Variants in GREB1L observed in about 807,000 individuals in gnomAD.
GREB1L encodes the protein GREB1 like retinoic acid receptor coactivator, also known as GREB1-like protein.
A neutral mutation model predicts 200.8 loss-of-function variants in GREB1L; 17 were observed. The observed-to-expected ratio is 0.08, with a 90% CI of 0.06 to 0.13. GREB1L has a LOEUF of 0.13. Among genes scored for constraint, GREB1L ranks in the 10% least tolerant of loss-of-function variants. The pLI, the probability that GREB1L is intolerant of heterozygous loss-of-function variation, is 1.00. For synonymous variants in GREB1L, 789 were observed against 893.0 expected, an observed-to-expected ratio of 0.88 and a Z score of 2.08; for missense variants, 1,657 against 2,367.7, an observed-to-expected ratio of 0.70 and a Z score of 6.23.
intron 1 of GREB1L, among the ~76,000 whole-genome samples, chr18:21,349,484 C>T (rs1031352241): frequency 1.3e-5 from 2 of 152,144 alleles, no homozygotes; most frequent in African/African-American, 4.8e-5. Context: ...CCTACTTTGT[C>T]CTTTAAAGCA....
chr18:21,507,982 G>A (rs1468254664), intron 25 of GREB1L, 136 bp from the exon 26 acceptor site: 4 of 777,672 alleles, frequency 5.1e-6, no homozygotes, highest in Non-Finnish European at 8.2e-6. Context: ...AGACGTGGCT[G>A]CTCACAGCCT....
intron 2 of GREB1L, among the ~76,000 whole-genome samples, chr18:21,378,106 T>A (rs2040150938): frequency 6.6e-6 from 1 of 152,178 alleles, no homozygotes; most frequent in African/African-American, 2.4e-5. Context: ...GAAGTCAAAT[T>A]TATTCACATT....
chr18:21,253,656 A>G (rs2037750690), intron 1 of GREB1L, among the ~76,000 whole-genome samples: 1 of 152,194 alleles, frequency 6.6e-6, no homozygotes, highest in South Asian at 2.1e-4. Flanking sequence ...TGTGAGAATG[A>G]TATTAACAAA....
intron 1 of GREB1L, among the ~76,000 whole-genome samples, chr18:21,296,231 A>G (rs574822471): frequency 6.6e-6 from 1 of 152,346 alleles, no homozygotes; most frequent in South Asian, 2.1e-4. Context: ...CATATACACC[A>G]TGGAATACTA....
chr18:21,358,088 A>G (rs2039530287), intron 1 of GREB1L, among the ~76,000 whole-genome samples: 1 of 152,238 alleles, frequency 6.6e-6, no homozygotes, highest in Non-Finnish European at 1.5e-5. Context: ...TTTTAAATCC[A>G]TAAACACAAG....
Position 21,242,363 on chromosome 18 carries a change from G to C in GREB1L, c.-150G>C, listed in dbSNP as rs765545416. On this transcript the variant is annotated 5_prime_UTR_variant, in exon 1 of 33. Transcript: ENST00000424526. ...CGGCCGAGCCGAGGGCCACCCCCTG[G>C]TCCTCTGCCCTCGCGCCCCGCTAGG... The C allele has an allele frequency of 6.6e-6, 1 of 152,216 alleles. No individual in the cohort carries two copies. Among genetic ancestry groups the C allele is most frequent in the African/African-American group, 2.4e-5 (1 of 41,440 alleles). The allele number at this position is 152,216 out of a possible 1,614,324, so 9.4% of individuals were successfully genotyped here. A position where few individuals can be genotyped will look rare whatever the true frequency, so the allele number is the denominator to read the frequency against.
intron 1 of GREB1L, among the ~76,000 whole-genome samples, chr18:21,256,454 G>A (rs1244488212): frequency 1.3e-5 from 2 of 152,150 alleles, no homozygotes; most frequent in African/African-American, 4.8e-5. Flanking sequence ...TTAGTTCTAA[G>A]GTGAGGAATA....
intron 1 of GREB1L, among the ~76,000 whole-genome samples, chr18:21,329,954 C>T (rs2039082150): frequency 1.5e-5 from 2 of 134,774 alleles, no homozygotes; most frequent in African/African-American, 5.8e-5. Context: ...TCTTTACCCA[C>T]AATGGTTTTT....
intron 29 of GREB1L, 90 bp from the exon 30 acceptor site, chr18:21,516,523 A>C (rs1393783980): frequency 1.6e-6 from 2 of 1,275,752 alleles, no homozygotes; most frequent in African/African-American, 1.5e-5. Context: ...TAGGCTCCTA[A>C]TATCTTGCCA....
chr18:21,330,201 A>G (rs1249127825), intron 1 of GREB1L, among the ~76,000 whole-genome samples: 2 of 152,204 alleles, frequency 1.3e-5, no homozygotes, highest in Non-Finnish European at 2.9e-5. Flanking sequence ...TGTCCTAACC[A>G]TGCCAAGGGC....
chr18:21,326,117 TCAAA>T (rs1400693851), intron 1 of GREB1L, among the ~76,000 whole-genome samples: 2 of 152,174 alleles, frequency 1.3e-5, no homozygotes, highest in Non-Finnish European at 2.9e-5. Context: ...ACTGTAGGAT[TCAAA>T]CAGTCTTCAA....
At chr18:21,288,261 A>G (rs1201913028) in intron 1 of GREB1L, among the ~76,000 whole-genome samples, 5 of 151,202 alleles carry the variant, frequency 3.3e-5, no homozygotes, top group Non-Finnish European at 2.9e-5. Flanking sequence ...GATTATCCAG[A>G]AAAAAAAAGA....
chr18:21,290,447 T>C (rs2038428567), intron 1 of GREB1L, among the ~76,000 whole-genome samples: 1 of 152,222 alleles, frequency 6.6e-6, no homozygotes, highest in Admixed American at 6.5e-5. Context: ...GTTTATATAA[T>C]CCTTAACTAC....
At chr18:21,327,814 G>T (rs1343577827) in intron 1 of GREB1L, among the ~76,000 whole-genome samples, 2 of 151,892 alleles carry the variant, frequency 1.3e-5, no homozygotes, top group African/African-American at 4.8e-5. Context: ...CCGGGTTCAC[G>T]CCATTCTCCT....
rs201945550 is a variant in GREB1L, at chr18:21,477,177, T to C, written c.2377T>C (p.Ser793Pro). The change falls in exon 17 of 33, where the codon TCT (serine) becomes CCT (proline). Residue 793 changes from serine to proline, a missense_variant. Ser to Pro is a moderately conservative substitution (Grantham distance 74). This residue lies in a region of GREB1L where 239 missense variants were observed against 421.8 expected (regional missense o/e 0.57). Coordinates refer to ENST00000424526, the MANE Select transcript of GREB1L (RefSeq NM_001142966.3). ...HVELTSVISG[S>P]LSHSEPSHGL... ...ATTTTTCTACAGTGTCATTTCAGGC[T>C]CTTTGTCACATAGCGAACCCAGTCA... The C allele has an allele frequency of 2.0e-4, 311 of 1,551,066 alleles. No homozygotes were observed. Among genetic ancestry groups the C allele is most frequent in the Middle Eastern group, 1.7e-3 (10 of 6,014 alleles).
At chr18:21,439,002 A>C (rs1955818992) in intron 7 of GREB1L, among the ~76,000 whole-genome samples, 1 of 151,592 alleles carries the variant, frequency 6.6e-6, no homozygotes, top group Non-Finnish European at 1.5e-5. Context: ...AAAGAAAGAA[A>C]GAAGCACATA....
At chr18:21,424,525 T>A (rs2032408481) in intron 7 of GREB1L, among the ~76,000 whole-genome samples, 1 of 152,134 alleles carries the variant, frequency 6.6e-6, no homozygotes, top group Admixed American at 6.5e-5. Context: ...GCCAAGATTG[T>A]GCCACTGCAC....
intron 29 of GREB1L, among the ~76,000 whole-genome samples, chr18:21,515,911 T>C (rs1010367114): frequency 6.6e-6 from 1 of 152,194 alleles, no homozygotes; most frequent in Non-Finnish European, 1.5e-5. Context: ...ACACAAAAAC[T>C]ACTGACTCAA....
chr18:21,379,921 T>C (rs2040234737), intron 2 of GREB1L, among the ~76,000 whole-genome samples: 1 of 152,232 alleles, frequency 6.6e-6, no homozygotes, highest in Admixed American at 6.5e-5. Flanking sequence ...TGACAGACTT[T>C]GTTGATTTTC....
Sources: gnomAD v4.1 joint callset for allele counts (sites outside exome capture counted in the v4.1 genomes callset) on GRCh38, gnomAD v4.1.1 for gene constraint, gnomAD v4.1.1 regional missense constraint, MANE v1.5 for transcripts, NCBI Gene and HGNC (gene_info 2026-07-23, HGNC 2026-07-21) for gene names.